The following STPG2 variants were observed in gnomAD, a reference collection of about 807,000 sequenced individuals.
STPG2 encodes the protein sperm-tail PG-rich repeat-containing protein 2.
A neutral mutation model predicts 54.2 loss-of-function variants in STPG2; 56 were observed. The ratio of observed to expected loss-of-function variants is 1.03; its 90% CI spans 0.83 to 1.29. STPG2 has a LOEUF of 1.29. Ranked by LOEUF, STPG2 falls within the 50% of genes most tolerant of loss-of-function variation. STPG2 has a pLI of 0.00. For missense variants in STPG2, 596 were observed against 544.9 expected (o/e 1.09, Z -0.93); for synonymous variants, 200 against 181.8 (o/e 1.10, Z -0.81).
At chr4:97,617,729 G>A (rs972414002) in intron 10 of STPG2, among the ~76,000 whole-genome samples, 1 of 152,090 alleles carries the variant, frequency 6.6e-6, no homozygotes, top group African/African-American at 2.4e-5. Flanking sequence ...AAAAGAAAGT[G>A]ATACACTAGC....
chr4:97,728,203 T>C (rs1724681629), intron 9 of STPG2, among the ~76,000 whole-genome samples: 1 of 151,942 alleles, frequency 6.6e-6, no homozygotes, highest in African/African-American at 2.4e-5. Flanking sequence ...CTTCAACCTC[T>C]TTCTCCTCTA....
intron 9 of STPG2, among the ~76,000 whole-genome samples, chr4:97,791,516 C>A (rs1186684547): frequency 2.0e-5 from 3 of 150,974 alleles, no homozygotes. Flanking sequence ...TACAAATAAT[C>A]CCTGTGAAAT....
In STPG2 at chr4:98,005,808, A is replaced by G. The variant is rs577405591; in HGVS notation, c.613-24490T>C. ...GAGAAGTTTTATATCTCTGTTCATC[A>G]GAAATGTTAGCCTGTAATATTCTTT... On this transcript the variant is annotated intron_variant, in intron 5 of 10. Coordinates refer to ENST00000295268, the MANE Select transcript of STPG2 (RefSeq NM_174952.3). Among the ~76,000 whole-genome samples, 45 of 152,350 alleles carry G rather than the reference A, an allele frequency of 3.0e-4. No homozygotes were observed. In the South Asian group the frequency reaches 8.9e-3, roughly 30 times the overall value.
intron 3 of STPG2, among the ~76,000 whole-genome samples, chr4:98,112,539 A>G (rs1206533958): frequency 6.6e-6 from 1 of 152,150 alleles, no homozygotes; most frequent in Non-Finnish European, 1.5e-5. Flanking sequence ...CAGAATCCTA[A>G]TACAAAGACT....
chr4:97,474,483 A>C (rs1468823543), intron 4 of STPG2, among the ~76,000 whole-genome samples: 3 of 152,120 alleles, frequency 2.0e-5, no homozygotes, highest in Non-Finnish European at 4.4e-5. Flanking sequence ...ACTAACTTTT[A>C]GTGGCTTTGA....
intron 5 of STPG2, among the ~76,000 whole-genome samples, chr4:98,011,777 C>T (rs958560468): frequency 1.3e-5 from 2 of 152,166 alleles, no homozygotes; most frequent in Admixed American, 6.5e-5. Context: ...AGTGTCTGTT[C>T]ATACCCTTTG....
chr4:97,679,486 T>G (rs1020852742), intron 10 of STPG2, among the ~76,000 whole-genome samples: 1 of 151,924 alleles, frequency 6.6e-6, no homozygotes, highest in African/African-American at 2.4e-5. Context: ...TGTTTTTTTC[T>G]TGTAAATTTG....
intron 4 of STPG2, among the ~76,000 whole-genome samples, chr4:97,486,860 AACACACACACAC>A (rs772458069): frequency 1.9e-4 from 24 of 125,620 alleles, no homozygotes; most frequent in African/African-American, 5.8e-4. Context: ...TATGTATACA[AACACACACACAC>A]ACACACACAC....
At chr4:97,916,378 A>G (rs1035456165) in intron 8 of STPG2, 2 of 152,596 alleles carry the variant, frequency 1.3e-5, no homozygotes, top group Non-Finnish European at 2.9e-5. Flanking sequence ...CACCTTGCCC[A>G]TGGATTTCCC....
chr4:98,142,328 A>G (rs1740319346), intron 1 of STPG2, among the ~76,000 whole-genome samples: 1 of 152,214 alleles, frequency 6.6e-6, no homozygotes, highest in African/African-American at 2.4e-5. Flanking sequence ...AAGAAAAACT[A>G]TCATTTGGAC....
At chr4:97,927,072 A>T (rs1732358169) in intron 8 of STPG2, among the ~76,000 whole-genome samples, 1 of 152,156 alleles carries the variant, frequency 6.6e-6, no homozygotes. Context: ...GCTGAGATTT[A>T]AAAAGTATTT....
Position 97,468,186 on chromosome 4 carries a change from T to G in STPG2, c.462+244513A>C, listed in dbSNP as rs149742157. ...TAGTACACAAAATATTTGTCAAACTTTTTTTCCAATGTAATGGTTTCTTCA... is the reference window on the plus strand; with the variant it reads ...TAGTACACAAAATATTTGTCAAACTGTTTTTCCAATGTAATGGTTTCTTCA... On this transcript the variant is annotated intron_variant, in intron 4 of 4. Transcript: ENST00000522676. 4.2e-3 allele frequency among the ~76,000 whole-genome samples: 636 copies of G among 152,120 alleles called. 3 individuals are homozygous for G. Among genetic ancestry groups the G allele is most frequent in the South Asian group, 0.02 (98 of 4,826 alleles).
At chr4:97,658,187 A>G (rs1391954424) in intron 10 of STPG2, among the ~76,000 whole-genome samples, 1 of 152,172 alleles carries the variant, frequency 6.6e-6, no homozygotes, top group Admixed American at 6.5e-5. Flanking sequence ...AGCTGCTATA[A>G]TGTGCTTTGT....
intron 5 of STPG2, among the ~76,000 whole-genome samples, chr4:98,019,556 A>T (rs916785797): frequency 4.0e-5 from 6 of 151,842 alleles, no homozygotes; most frequent in Admixed American, 1.3e-4. Context: ...CTGTGAAGAA[A>T]GGCATTGGTA....
intron 4 of STPG2, among the ~76,000 whole-genome samples, chr4:97,501,019 G>A (rs946583052): frequency 3.9e-5 from 6 of 152,068 alleles, no homozygotes; most frequent in African/African-American, 1.4e-4. Context: ...CTACTGCTGG[G>A]ATCATCTAGA....
intron 9 of STPG2, among the ~76,000 whole-genome samples, chr4:97,785,839 C>CAA (rs11414456): frequency 1.4e-4 from 21 of 145,762 alleles, no homozygotes; most frequent in Admixed American, 2.1e-4. Flanking sequence ...GAAGACATGG[C>CAA]AAAAAAAAAA....
chr4:98,096,583 A>T (rs1738866190), intron 5 of STPG2, among the ~76,000 whole-genome samples: 1 of 152,118 alleles, frequency 6.6e-6, no homozygotes, highest in Non-Finnish European at 1.5e-5. Context: ...AGAGCAAACC[A>T]AACCCAAAAT....
At chr4:97,641,971 C>T (rs191527851) in intron 10 of STPG2, among the ~76,000 whole-genome samples, 2 of 151,500 alleles carry the variant, frequency 1.3e-5, no homozygotes, top group East Asian at 1.9e-4. Context: ...ATAATAACAC[C>T]TATTCTTTAT....
At chr4:97,755,536 A>G (rs1460938429) in intron 9 of STPG2, among the ~76,000 whole-genome samples, 1 of 152,120 alleles carries the variant, frequency 6.6e-6, no homozygotes, top group Non-Finnish European at 1.5e-5. Flanking sequence ...TTTAAGAAAA[A>G]AAGCAAAGAT....
Sources: allele counts gnomAD v4.1 joint callset (sites outside exome capture counted in the v4.1 genomes callset), GRCh38; gene constraint gnomAD v4.1.1; transcripts MANE v1.5; gene names NCBI Gene and HGNC (gene_info 2026-07-23, HGNC 2026-07-21).